DGKB: variants seen among roughly 807,000 people sequenced by gnomAD.
DGKB encodes diacylglycerol kinase beta.
Under a neutral mutation model 114.3 loss-of-function variants are expected in DGKB, and 67 were observed. That is an observed-to-expected ratio of 0.59 (90% confidence interval 0.48 to 0.72). The LOEUF (loss-of-function observed/expected upper bound fraction) is 0.72, where lower values mean the gene tolerates loss of function less well. Among genes scored for constraint, DGKB ranks in the 30% least tolerant of loss-of-function variants. DGKB has a pLI of 0.00. For missense variants in DGKB, 907 were observed against 975.2 expected (o/e 0.93, Z 0.93); for synonymous variants, 398 against 323.1 (o/e 1.23, Z -2.49).
At chr7:14,434,919 C>T (rs997317439) in intron 21 of DGKB, among the ~76,000 whole-genome samples, 3 of 152,052 alleles carry the variant, frequency 2.0e-5, no homozygotes, top group Non-Finnish European at 2.9e-5. Flanking sequence ...GTTTCTTTCA[C>T]ACTAAGCTTG....
At chr7:14,491,325 G>T (rs182693276) in intron 20 of DGKB, among the ~76,000 whole-genome samples, 1 of 152,032 alleles carries the variant, frequency 6.6e-6, no homozygotes, top group East Asian at 1.9e-4. Flanking sequence ...TCTCTCTCTT[G>T]TCTGCTGCCA....
chr7:14,736,998 G>C (rs6950448), intron 4 of DGKB, among the ~76,000 whole-genome samples: 5,400 of 152,262 alleles, frequency 0.035, 307 homozygotes, highest in African/African-American at 0.12. Context: ...AGGAAATTGA[G>C]GACAAGCACA....
chr7:14,854,243 C>T (rs1222235883), intron 1 of DGKB, among the ~76,000 whole-genome samples: 3 of 152,302 alleles, frequency 2.0e-5, no homozygotes, highest in African/African-American at 4.8e-5. Context: ...CTGCCTAAAA[C>T]TGTCACTTTG....
chr7:14,965,083 G>T lies in DGKB; in HGVS notation c.-188+9613C>A, dbSNP rs562711765. ...TGTTAACACAAATTTCATTTGGGAG[G>T]ATCAGAAGAATATAAGGTACAGGGC... is the stretch of plus-strand genomic sequence containing the variant. On this transcript the variant is annotated intron_variant, in intron 1 of 4. Coordinates refer to the DGKB transcript ENST00000437998. Among the ~76,000 whole-genome samples the T allele has an allele frequency of 3.7e-4, 56 of 152,198 alleles. 1 individual carries two copies. In the South Asian group the frequency reaches 0.01, roughly 28 times the overall value.
At chr7:14,766,591 A>G (rs1836495410) in intron 2 of DGKB, among the ~76,000 whole-genome samples, 1 of 151,930 alleles carries the variant, frequency 6.6e-6, no homozygotes, top group South Asian at 2.1e-4. Flanking sequence ...AAGTGTAGCC[A>G]TTAGGAAAGC....
At chr7:14,679,583 C>A (rs958905186) in intron 12 of DGKB, among the ~76,000 whole-genome samples, 7 of 152,002 alleles carry the variant, frequency 4.6e-5, no homozygotes, top group Admixed American at 3.3e-4. Flanking sequence ...ACAATATATT[C>A]TTCACGGAAC....
At chr7:14,529,679 A>G (rs1354542456) in intron 20 of DGKB, among the ~76,000 whole-genome samples, 1 of 151,760 alleles carries the variant, frequency 6.6e-6, no homozygotes, top group Non-Finnish European at 1.5e-5. Context: ...ACTAAACTTG[A>G]TTACTTTCAA....
intron 21 of DGKB, among the ~76,000 whole-genome samples, chr7:14,399,521 A>G (rs1301576647): frequency 6.6e-6 from 1 of 151,828 alleles, no homozygotes; most frequent in Non-Finnish European, 1.5e-5. Flanking sequence ...TACCTATAAT[A>G]CAAATAACCC....
chr7:14,817,459 A>G (rs1844316166), intron 2 of DGKB, among the ~76,000 whole-genome samples: 1 of 152,216 alleles, frequency 6.6e-6, no homozygotes, highest in Admixed American at 6.5e-5. Context: ...AACCAAATAG[A>G]AATAAAAACA....
chr7:14,974,805 T>A (rs562776718), upstream of DGKB: 1 of 152,158 alleles, frequency 6.6e-6, no homozygotes, highest in Non-Finnish European at 1.5e-5. Flanking sequence ...GTGTGTTACA[T>A]TTTATTCAGA....
At chr7:14,392,633 C>T (rs1316677904) in intron 21 of DGKB, among the ~76,000 whole-genome samples, 1 of 152,128 alleles carries the variant, frequency 6.6e-6, no homozygotes, top group Non-Finnish European at 1.5e-5. Context: ...GTGGCATTGA[C>T]AGAATGAATT....
At chr7:14,762,756 G>A (rs2128457347) in intron 2 of DGKB, among the ~76,000 whole-genome samples, 1 of 152,218 alleles carries the variant, frequency 6.6e-6, no homozygotes, top group African/African-American at 2.4e-5. Flanking sequence ...AAGCCAGCTA[G>A]ATTTAGATTT....
chr7:14,518,371 T>C (rs1331938477), intron 20 of DGKB, among the ~76,000 whole-genome samples: 1 of 152,032 alleles, frequency 6.6e-6, no homozygotes, highest in Non-Finnish European at 1.5e-5. Context: ...CTGTGCTTAT[T>C]ACCTGGGTAG....
intron 23 of DGKB, among the ~76,000 whole-genome samples, chr7:14,316,768 T>G (rs1352546847): frequency 6.6e-6 from 1 of 151,448 alleles, no homozygotes; most frequent in East Asian, 1.9e-4. Flanking sequence ...GAGGGAATCC[T>G]CCCTAACTCA....
At chr7:14,494,963 T>A (rs1419483935) in intron 20 of DGKB, among the ~76,000 whole-genome samples, 1 of 151,882 alleles carries the variant, frequency 6.6e-6, no homozygotes, top group Non-Finnish European at 1.5e-5. Context: ...TACTATTTTT[T>A]AAATGTCTTC....
chr7:14,356,041 C>A (rs1377495285), intron 21 of DGKB, among the ~76,000 whole-genome samples: 1 of 152,120 alleles, frequency 6.6e-6, no homozygotes, highest in Non-Finnish European at 1.5e-5. Context: ...TCCATTTCTT[C>A]TAGATTTTCT....
chr7:14,506,019 A>G (rs570872170), intron 20 of DGKB, among the ~76,000 whole-genome samples: 15 of 152,294 alleles, frequency 9.8e-5, no homozygotes, highest in African/African-American at 3.6e-4. Context: ...TATGGCATTC[A>G]TTGTTAAATG....
chr7:14,333,820 C>A (rs1195656621), intron 23 of DGKB, among the ~76,000 whole-genome samples: 1 of 152,164 alleles, frequency 6.6e-6, no homozygotes, highest in East Asian at 1.9e-4. Flanking sequence ...TTCAACAAAA[C>A]AAATTCATGA....
At chr7:14,945,398 A>G (rs1785816573) in intron 1 of DGKB, among the ~76,000 whole-genome samples, 1 of 151,838 alleles carries the variant, frequency 6.6e-6, no homozygotes, top group South Asian at 2.1e-4. Flanking sequence ...TTCTGGTTAC[A>G]TGGGTGTGTT....
Sources: gnomAD v4.1 joint callset for allele counts (sites outside exome capture counted in the v4.1 genomes callset) on GRCh38, gnomAD v4.1.1 for gene constraint, MANE v1.5 for transcripts, NCBI Gene and HGNC (gene_info 2026-07-23, HGNC 2026-07-21) for gene names.